The following PELI2 variants were observed in gnomAD, a reference collection of about 807,000 sequenced individuals.
PELI2 encodes the protein pellino E3 ubiquitin protein ligase family member 2.
Under a neutral mutation model 42.3 loss-of-function variants are expected in PELI2, and 23 were observed. That is an observed-to-expected ratio of 0.54 (90% CI 0.39 to 0.77). PELI2 has a LOEUF of 0.77. Ranked by LOEUF, PELI2 falls within the 30% of genes least tolerant of loss-of-function variation. PELI2 has a pLI of 0.00. For missense variants in PELI2, 463 were observed against 553.2 expected, an observed-to-expected ratio of 0.84 and a Z score of 1.64; for synonymous variants, 245 against 212.2, an observed-to-expected ratio of 1.15 and a Z score of -1.34.
At chr14:56,279,621 T>A (rs1182489241) in intron 2 of PELI2, 55 bp from the exon 3 acceptor site, 3 of 1,025,030 alleles carry the variant, frequency 2.9e-6, no homozygotes, top group African/African-American at 1.6e-5. Flanking sequence ...ACAGGCAGAA[T>A]TGATAAGTTG....
At chr14:56,225,056 G>A (rs1251618570) in intron 2 of PELI2, among the ~76,000 whole-genome samples, 2 of 152,176 alleles carry the variant, frequency 1.3e-5, no homozygotes, top group Non-Finnish European at 2.9e-5. Context: ...ATAGCCTACC[G>A]TAATGCTGGG....
chr14:56,135,828 C>T (rs1883669525), intron 1 of PELI2, among the ~76,000 whole-genome samples: 1 of 152,312 alleles, frequency 6.6e-6, no homozygotes, highest in South Asian at 2.1e-4. Context: ...TGGAATGCTT[C>T]AGAAGAGGCA....
At chr14:56,170,290 G>A (rs1218931573) in intron 1 of PELI2, among the ~76,000 whole-genome samples, 1 of 152,294 alleles carries the variant, frequency 6.6e-6, no homozygotes, top group Admixed American at 6.5e-5. Context: ...TGTGGATGTC[G>A]CTGTAAGAGT....
chr14:56,241,668 A>G lies in PELI2; in HGVS notation c.208-38008A>G, dbSNP rs566444666. 8.5e-4 allele frequency among the ~76,000 whole-genome samples: 129 copies of G among 152,292 alleles called. 1 individual carries two copies. Among genetic ancestry groups the G allele is most frequent in the African/African-American group, 2.7e-3 (114 of 41,568 alleles). The stretch of plus-strand genomic sequence containing the variant: ...GGGCACTTTATTGTGAAATTTCAGA[A>G]CACCAGGGATAAAGGGGAGATAGTA... On this transcript the variant is annotated intron_variant, in intron 2 of 5. Transcript: ENST00000267460.
chr14:56,143,869 CAG>C (rs1487576436), intron 1 of PELI2, among the ~76,000 whole-genome samples: 2 of 152,180 alleles, frequency 1.3e-5, no homozygotes, highest in African/African-American at 2.4e-5. Context: ...CACTTTTTCA[CAG>C]AGCCTCATTT....
intron 2 of PELI2, among the ~76,000 whole-genome samples, chr14:56,266,944 TAAA>T (rs1273084770): frequency 6.6e-6 from 1 of 152,058 alleles, no homozygotes; most frequent in Non-Finnish European, 1.5e-5. Flanking sequence ...GTTATTGTGT[TAAA>T]GAAGCAGGGA....
At chr14:56,230,981 T>G (rs896546287) in intron 2 of PELI2, among the ~76,000 whole-genome samples, 2 of 152,136 alleles carry the variant, frequency 1.3e-5, no homozygotes, top group African/African-American at 4.8e-5. Context: ...AAACAGACTT[T>G]AAACCAACAG....
chr14:56,159,194 T>C (rs957322330), intron 1 of PELI2, among the ~76,000 whole-genome samples: 57 of 152,328 alleles, frequency 3.7e-4, no homozygotes, highest in African/African-American at 1.3e-3. Context: ...TTAAAACAAT[T>C]GTTTGCTCTC....
chr14:56,273,426 T>G lies in PELI2; in HGVS notation c.208-6250T>G, dbSNP rs115593898. Reference sequence around the variant, plus strand: ...TACTGAAGCCAGCCCAGATGCCAGATGATACATGATGATTGCACAAAAGCA... The same window carrying G: ...TACTGAAGCCAGCCCAGATGCCAGAGGATACATGATGATTGCACAAAAGCA... On this transcript the variant is annotated intron_variant, in intron 2 of 5. Coordinates refer to ENST00000267460, the MANE Select transcript of PELI2 (RefSeq NM_021255.3). This position sits in a 1 kb window ranked among gnomAD's most constrained non-coding sequence, Gnocchi z 4.3. 1.3e-5 allele frequency among the ~76,000 whole-genome samples: 2 copies of G among 152,206 alleles called. No homozygotes were observed. The highest frequency in any genetic ancestry group is 4.8e-5 in the African/African-American group (2 of 41,444).
At position 56,288,349 on chromosome 14, in the gene PELI2, A is replaced by G; in HGVS notation, c.310-88A>G. The G allele has an allele frequency of 2.1e-6, 2 of 958,946 alleles. No individual in the cohort carries two copies. Among genetic ancestry groups the G allele is most frequent in the Non-Finnish European group, 3.3e-6 (2 of 614,002 alleles). 59.4% of individuals were successfully genotyped at this position (958,946 alleles called of 1,614,324 possible). On this transcript the variant is annotated intron_variant, in intron 3 of 5. Coordinates refer to ENST00000267460, the MANE Select transcript of PELI2 (RefSeq NM_021255.3). This position sits in a 1 kb window ranked among gnomAD's most constrained non-coding sequence, Gnocchi z 4.6. The stretch of plus-strand genomic sequence containing the variant: ...CTCAGAACAAGGATAGTGAATGTTA[A>G]AGGAATCCTGAATGCTTTTTCCTTG...
intron 2 of PELI2, among the ~76,000 whole-genome samples, chr14:56,212,069 T>TA (rs1412532507): frequency 6.6e-6 from 1 of 152,092 alleles, no homozygotes; most frequent in African/African-American, 2.4e-5. Flanking sequence ...CAGAAAAAAT[T>TA]AGAGAACCAG....
At chr14:56,155,854 G>C (rs1205412971) in intron 1 of PELI2, among the ~76,000 whole-genome samples, 1 of 152,096 alleles carries the variant, frequency 6.6e-6, no homozygotes, top group African/African-American at 2.4e-5. Context: ...AAAGTGCTGG[G>C]ATTACAGGCG....
In PELI2 at chr14:56,249,593, C is replaced by A. The variant is rs376064961; in HGVS notation, c.208-30083C>A. Reference sequence around the variant, plus strand: ...AAGGGACAAGAACTGTTCTTTGTAACCCCAGTACTGAGCATGCTCCAGGTG... The same window carrying A: ...AAGGGACAAGAACTGTTCTTTGTAAACCCAGTACTGAGCATGCTCCAGGTG... On this transcript the variant is annotated intron_variant, in intron 2 of 5. Transcript: ENST00000267460. Among the ~76,000 whole-genome samples the A allele has an allele frequency of 3.9e-5, 6 of 152,298 alleles. 1 individual carries two copies. The highest frequency in any genetic ancestry group is 2.1e-4 in the South Asian group (1 of 4,828).
intron 1 of PELI2, among the ~76,000 whole-genome samples, chr14:56,160,074 G>A (rs1226785723): frequency 6.6e-6 from 1 of 151,510 alleles, no homozygotes; most frequent in East Asian, 1.9e-4. Flanking sequence ...TGGCCTGGTT[G>A]GAGGAAGAAG....
chr14:56,181,494 T>G (rs1885578460), intron 2 of PELI2, among the ~76,000 whole-genome samples: 1 of 152,128 alleles, frequency 6.6e-6, no homozygotes, highest in Non-Finnish European at 1.5e-5. Context: ...TAATGAAAGT[T>G]CATCTTTGAT....
chr14:56,120,413 A>G (rs1225801841), intron 1 of PELI2, among the ~76,000 whole-genome samples: 2 of 152,216 alleles, frequency 1.3e-5, no homozygotes, highest in African/African-American at 4.8e-5. Context: ...TTTTGTGTTC[A>G]TAGCTGGAAG....
intron 2 of PELI2, among the ~76,000 whole-genome samples, chr14:56,241,087 C>T (rs372687385): frequency 2.7e-4 from 37 of 138,260 alleles, no homozygotes; most frequent in African/African-American, 8.5e-4. Context: ...CAGTATCATC[C>T]CCAGGAGGTT....
rs1368042059 is a variant in PELI2, at chr14:56,288,611, T to C, written c.484T>C (p.Ser162Pro). 1 of 1,613,400 alleles carries C rather than the reference T, an allele frequency of 6.2e-7. No individual in the cohort carries two copies. Among genetic ancestry groups the C allele is most frequent in the East Asian group, 2.2e-5 (1 of 44,828 alleles). Residue 162 changes from serine (S) to proline (P), a missense_variant, in exon 4 of 6, where the codon TCT becomes CCT. Transcript: ENST00000267460. The surrounding 1 kb of genome is among the most constrained non-coding windows in gnomAD (Gnocchi z 4.6). ...TARIFAAGFD[S>P]SKNIFLGEKA... ...ACGGATATTCGCCGCCGGATTTGAC[T>C]CTTCCAAAAACATATTTCTTGGAGT...
chr14:56,179,704 A>G (rs1373506056), intron 2 of PELI2, among the ~76,000 whole-genome samples: 2 of 152,228 alleles, frequency 1.3e-5, no homozygotes, highest in African/African-American at 2.4e-5. Context: ...ACAGAATCTT[A>G]AGAGGTCAAG....
Sources: allele counts gnomAD v4.1 joint callset (sites outside exome capture counted in the v4.1 genomes callset), GRCh38; gene constraint gnomAD v4.1.1; non-coding constraint Gnocchi (gnomAD v3.1); transcripts MANE v1.5; gene names NCBI Gene and HGNC (gene_info 2026-07-23, HGNC 2026-07-21).